ACER3: variants seen among roughly 807,000 people sequenced by gnomAD.
The protein encoded by ACER3 is alkaline ceramidase 3, also known as alkCDase 3.
A neutral mutation model predicts 48.9 loss-of-function variants in ACER3; 16 were observed. That is an observed-to-expected ratio of 0.33 (90% CI 0.22 to 0.50). The LOEUF (loss-of-function observed/expected upper bound fraction) is 0.50. ACER3 is among the 20% of genes least tolerant of loss of function. The probability of loss-of-function intolerance (pLI) is 0.98; values close to 1 mark genes in which losing one functional copy is unlikely to be tolerated. For missense variants in ACER3, 227 were observed against 326.0 expected (o/e 0.70, Z 2.34); for synonymous variants, 109 against 107.8 (o/e 1.01, Z -0.07).
intron 1 of ACER3, among the ~76,000 whole-genome samples, chr11:76,877,020 CATATT>C (rs1193208306): frequency 6.6e-6 from 1 of 152,036 alleles, no homozygotes; most frequent in African/African-American, 2.4e-5. Context: ...CAGAGTATGT[CATATT>C]ATACCATGCC....
chr11:76,974,854 C>T (rs1306736783), intron 3 of ACER3, among the ~76,000 whole-genome samples: 1 of 152,154 alleles, frequency 6.6e-6, no homozygotes, highest in Non-Finnish European at 1.5e-5. Flanking sequence ...ATACTCCCAA[C>T]AAAATCAATA....
At chr11:76,867,346 G>A (rs892608986) in intron 1 of ACER3, among the ~76,000 whole-genome samples, 4 of 151,922 alleles carry the variant, frequency 2.6e-5, no homozygotes, top group African/African-American at 9.7e-5. Context: ...GTATGTGCCT[G>A]TAGTCCCAGC....
chr11:76,916,709 C>T (rs1490327740), intron 1 of ACER3, among the ~76,000 whole-genome samples: 1 of 152,214 alleles, frequency 6.6e-6, no homozygotes, highest in African/African-American at 2.4e-5. Context: ...CTCTTCATTA[C>T]TGAACATAGT....
In ACER3 at chr11:76,957,500, G is replaced by T. The variant is rs187366571; in HGVS notation, c.215-1479G>T. 10 of 450,098 alleles carry T rather than the reference G, an allele frequency of 2.2e-5. No individual in the cohort carries two copies. In the East Asian group the frequency reaches 6.3e-4, roughly 28 times the overall value. 27.9% of individuals were successfully genotyped at this position (450,098 alleles called of 1,614,324 possible). A position where few individuals can be genotyped will look rare whatever the true frequency, so the allele number is the denominator to read the frequency against. ...ACTCTGTCGCCGAGGCTGAAGTGCA[G>T]TGGCACAATCTCGGCTCACTGCAAC... On this transcript the variant is annotated intron_variant, in intron 2 of 10. Coordinates refer to ENST00000532485, the MANE Select transcript of ACER3 (RefSeq NM_018367.7).
intron 2 of ACER3, among the ~76,000 whole-genome samples, chr11:76,934,771 A>AAGAGAG (rs1947130258): frequency 8.1e-5 from 8 of 98,264 alleles, no homozygotes; most frequent in South Asian, 3.4e-4. Flanking sequence ...GAGAGGGAGA[A>AAGAGAG]GGAGAGGGAT....
intron 6 of ACER3, among the ~76,000 whole-genome samples, chr11:76,995,983 T>G (rs1948901864): frequency 2.0e-5 from 3 of 152,190 alleles, no homozygotes; most frequent in African/African-American, 7.2e-5. Flanking sequence ...TACTTAGATA[T>G]CTCACTGGCA....
At chr11:76,902,467 TC>T (rs1442058379) in intron 1 of ACER3, among the ~76,000 whole-genome samples, 1 of 152,172 alleles carries the variant, frequency 6.6e-6, no homozygotes, top group African/African-American at 2.4e-5. Context: ...CTTCACAAAT[TC>T]CCTTTTTGTT....
chr11:76,887,245 A>G lies in ACER3; in HGVS notation c.103+26166A>G, dbSNP rs187442821. On this transcript the variant is annotated intron_variant, in intron 1 of 10. Transcript: ENST00000532485. The stretch of plus-strand genomic sequence containing the variant: ...ATTCCAGCTTGGGTAACAGAGCAAG[A>G]CCCTGTCTCCAAATATATGTGTATG... 2.5e-3 allele frequency among the ~76,000 whole-genome samples: 374 copies of G among 152,192 alleles called. 4 individuals carry two copies. Among genetic ancestry groups the G allele is most frequent in the African/African-American group, 8.6e-3 (357 of 41,538 alleles).
chr11:76,901,125 T>C (rs1382194534), intron 1 of ACER3, among the ~76,000 whole-genome samples: 3 of 152,196 alleles, frequency 2.0e-5, no homozygotes, highest in Non-Finnish European at 2.9e-5. Context: ...CCACAGAGTG[T>C]TGTGTTTACA....
Position 76,868,381 on chromosome 11 carries a change from C to CTGTG in ACER3, c.103+7303_103+7304insGTGT, listed in dbSNP as rs1296647618. ...AAAAGAGTTTAGTTTTAATATCTCT[C>CTGTG]TCTCTCTCTCTGTGTGTGTGTGTGT... On this transcript the variant is annotated intron_variant, in intron 1 of 10. Coordinates refer to ENST00000532485, the MANE Select transcript of ACER3 (RefSeq NM_018367.7). 4.8e-5 allele frequency: 23 copies of CTGTG among 481,452 alleles called. No homozygotes were observed. In the East Asian group the frequency reaches 5.3e-4, roughly 11 times the overall value. 29.8% of individuals were successfully genotyped at this position (481,452 alleles called of 1,614,324 possible).
intron 1 of ACER3, among the ~76,000 whole-genome samples, chr11:76,889,014 C>T (rs1945742482): frequency 6.6e-6 from 1 of 152,070 alleles, no homozygotes; most frequent in Non-Finnish European, 1.5e-5. Flanking sequence ...GGCCAGTGGT[C>T]TTCTTGTTCC....
chr11:76,966,619 A>G (rs1301244603), intron 3 of ACER3, among the ~76,000 whole-genome samples: 1 of 151,192 alleles, frequency 6.6e-6, no homozygotes, highest in East Asian at 1.9e-4. Context: ...CTCAGACCAC[A>G]GTGCAATCAA....
intron 2 of ACER3, among the ~76,000 whole-genome samples, chr11:76,952,087 A>G (rs914801873): frequency 1.3e-5 from 2 of 151,790 alleles, no homozygotes; most frequent in Non-Finnish European, 2.9e-5. Flanking sequence ...GTAAAAGGGC[A>G]TGATGTATCA....
At chr11:76,890,756 A>G (rs542256002) in intron 1 of ACER3, among the ~76,000 whole-genome samples, 1 of 152,294 alleles carries the variant, frequency 6.6e-6, no homozygotes, top group Non-Finnish European at 1.5e-5. Flanking sequence ...TTTTCCCAGT[A>G]TGTTATATGC....
intron 2 of ACER3, among the ~76,000 whole-genome samples, chr11:76,931,934 A>T (rs1240833790): frequency 1.4e-5 from 2 of 145,124 alleles, no homozygotes; most frequent in Non-Finnish European, 3.0e-5. Context: ...GAATCTGACA[A>T]TTATGTGTTT....
At chr11:76,946,131 C>T (rs1205683817) in intron 2 of ACER3, among the ~76,000 whole-genome samples, 2 of 152,170 alleles carry the variant, frequency 1.3e-5, no homozygotes, top group East Asian at 3.9e-4. Context: ...AGTCTCACAG[C>T]AGTCTGTAGC....
chr11:76,908,887 T>A (rs1329771441), intron 1 of ACER3, among the ~76,000 whole-genome samples: 2 of 152,118 alleles, frequency 1.3e-5, no homozygotes, highest in Non-Finnish European at 2.9e-5. Flanking sequence ...AAGGCTACAG[T>A]AACCAAAACA....
intron 1 of ACER3, among the ~76,000 whole-genome samples, chr11:76,917,328 A>AG (rs1456153035): frequency 6.6e-6 from 1 of 152,164 alleles, no homozygotes; most frequent in African/African-American, 2.4e-5. Flanking sequence ...AATAAAGTGA[A>AG]TGTGTAATGT....
intron 3 of ACER3, 127 bp from the exon 4 acceptor site, chr11:76,976,162 C>A: frequency 1.4e-6 from 1 of 711,230 alleles, no homozygotes; most frequent in Non-Finnish European, 2.4e-6. Flanking sequence ...GCTGGGATTA[C>A]AGGTGTGAGC....
Sources: allele counts gnomAD v4.1 joint callset (sites outside exome capture counted in the v4.1 genomes callset), GRCh38; gene constraint gnomAD v4.1.1; transcripts MANE v1.5; gene names NCBI Gene and HGNC (gene_info 2026-07-23, HGNC 2026-07-21).